DIP2C: variants seen among roughly 807,000 people sequenced by gnomAD.
DIP2C encodes the protein disco-interacting protein 2 homolog C.
A neutral mutation model predicts 192.4 loss-of-function variants in DIP2C; 33 were observed. The observed-to-expected ratio is 0.17, with a 90% CI of 0.13 to 0.23. The LOEUF (loss-of-function observed/expected upper bound fraction) is 0.23, where lower values mean the gene tolerates loss of function less well. Among genes scored for constraint, DIP2C ranks in the 10% least tolerant of loss-of-function variants. The pLI, the probability that DIP2C is intolerant of heterozygous loss-of-function variation, is 1.00. For synonymous variants in DIP2C, 979 were observed against 864.1 expected (o/e 1.13, Z -2.33); for missense variants, 1,537 against 2,110.1 (o/e 0.73, Z 5.32).
chr10:391,309 G>A (rs75150626), intron 10 of DIP2C, among the ~76,000 whole-genome samples: 1 of 62,554 alleles, frequency 1.6e-5, no homozygotes, highest in Non-Finnish European at 3.5e-5. Context: ...CCAAAGGCAC[G>A]AAAGGCACAC....
chr10:538,080 G>A (rs1164727081), intron 1 of DIP2C, among the ~76,000 whole-genome samples: 4 of 151,882 alleles, frequency 2.6e-5, no homozygotes, highest in African/African-American at 7.3e-5. Flanking sequence ...ACGAGCCACC[G>A]TGCCTGGCTG....
At chr10:675,813 A>G (rs1830856271) in intron 1 of DIP2C, among the ~76,000 whole-genome samples, 1 of 152,242 alleles carries the variant, frequency 6.6e-6, no homozygotes, top group African/African-American at 2.4e-5. Context: ...CCTCAGGACT[A>G]GGTGGCTTCA....
In DIP2C at chr10:276,558, CTT is replaced by C. The variant is rs1954529331; in HGVS notation, c.*765_*766del. 6.6e-6 allele frequency: 1 copy of C among 152,518 alleles called. No individual in the cohort carries two copies. Among genetic ancestry groups the C allele is most frequent in the Admixed American group, 6.5e-5 (1 of 15,282 alleles). 9.4% of individuals were successfully genotyped at this position (152,518 alleles called of 1,614,324 possible). ...CTTTAATATTCTTGAATGTTTTTCT[CTT>C]TTATAGTTCTAAAGAGATCAAAATA... is the stretch of plus-strand genomic sequence containing the variant. On this transcript the variant is annotated 3_prime_UTR_variant, in exon 37 of 37. Transcript: ENST00000280886.
chr10:341,171 A>T (rs753967916), intron 29 of DIP2C, 28 bp downstream of exon 29: 15 of 1,613,036 alleles, frequency 9.3e-6, no homozygotes, highest in Non-Finnish European at 1.3e-5. Context: ...GATTTTTTTT[A>T]ATGTAAAGAT....
chr10:632,946 C>T (rs950908028), intron 1 of DIP2C, among the ~76,000 whole-genome samples: 1 of 152,006 alleles, frequency 6.6e-6, no homozygotes, highest in Non-Finnish European at 1.5e-5. Flanking sequence ...CCAGACTCCA[C>T]GGCCAGCACC....
intron 26 of DIP2C, among the ~76,000 whole-genome samples, chr10:348,308 A>C (rs1206022479): frequency 6.6e-6 from 1 of 152,236 alleles, no homozygotes; most frequent in Non-Finnish European, 1.5e-5. Context: ...CTTTGGAAAA[A>C]GCCCTGCCTC....
chr10:386,958 A>G (rs1962990659), intron 14 of DIP2C, among the ~76,000 whole-genome samples: 1 of 152,200 alleles, frequency 6.6e-6, no homozygotes, highest in Non-Finnish European at 1.5e-5. Flanking sequence ...CCGGCACGTC[A>G]TCCAGGGCAC....
chr10:618,305 G>C (rs1383693033), intron 1 of DIP2C, among the ~76,000 whole-genome samples: 1 of 152,194 alleles, frequency 6.6e-6, no homozygotes, highest in African/African-American at 2.4e-5. Context: ...AGGAAAACTG[G>C]GTTCTGGCTG....
In DIP2C at chr10:418,119, TCGGATAGGCCTCCCTGTCCACCTGCA is replaced by T; in HGVS notation, c.739+920_739+945del. Among the ~76,000 whole-genome samples, 4 of 17,952 alleles carry T rather than the reference TCGGATAGGCCTCCCTGTCCACCTGCA, an allele frequency of 2.2e-4. 2 individuals carry two copies. The highest frequency in any genetic ancestry group is 1.3e-3 in the African/African-American group (4 of 3,184). The allele number at this position is 17,952 out of a possible 152,430, so 11.8% of individuals were successfully genotyped here. A position where few individuals can be genotyped will look rare whatever the true frequency, so the allele number is the denominator to read the frequency against. ...GGCATCCCCGTCCACCTGTCGGAGC[TCGGATAGGCCTCCCTGTCCACCTGCA>T]CCTGTCAGAGCTCGGACAGGCCTCC... On this transcript the variant is annotated intron_variant, in intron 6 of 36. Coordinates refer to ENST00000280886, the MANE Select transcript of DIP2C (RefSeq NM_014974.3).
chr10:641,204 A>G (rs984794711), intron 1 of DIP2C, among the ~76,000 whole-genome samples: 5 of 151,824 alleles, frequency 3.3e-5, no homozygotes, highest in African/African-American at 7.3e-5. Flanking sequence ...CTTTGAGGTC[A>G]TAGTGGGGAC....
At chr10:650,732 C>G (rs552108075) in intron 1 of DIP2C, 12 of 637,416 alleles carry the variant, frequency 1.9e-5, no homozygotes, top group Admixed American at 5.1e-5. Context: ...GGCCGACCCC[C>G]CCTCATGCTC....
intron 4 of DIP2C, among the ~76,000 whole-genome samples, chr10:432,944 C>T (rs1271323456): frequency 2.0e-5 from 3 of 152,122 alleles, no homozygotes; most frequent in Non-Finnish European, 4.4e-5. Flanking sequence ...TTCCAGTCAT[C>T]TATTATTTAT....
intron 29 of DIP2C, among the ~76,000 whole-genome samples, chr10:329,857 A>AAC (rs1426050409): frequency 6.6e-6 from 1 of 152,180 alleles, no homozygotes; most frequent in Non-Finnish European, 1.5e-5. Flanking sequence ...AAGACTACTA[A>AAC]ACGCTGTGAT....
At position 390,130 on chromosome 10, in the gene DIP2C, C is replaced by T. The variant is rs537496062; in HGVS notation, c.1495-37G>A. On this transcript the variant is annotated intron_variant, in intron 12 of 36. Coordinates refer to ENST00000280886, the MANE Select transcript of DIP2C (RefSeq NM_014974.3). Reference sequence around the variant, plus strand: ...CAAAGCGTGAGGGAAGTGGGGCTGACAGGTCACGGCAGTTTTTCTGGTTAC... The same window carrying T: ...CAAAGCGTGAGGGAAGTGGGGCTGATAGGTCACGGCAGTTTTTCTGGTTAC... The T allele has an allele frequency of 2.3e-4, 375 of 1,599,168 alleles. 9 individuals are homozygous for T. In the South Asian group the frequency reaches 3.9e-3, roughly 17 times the overall value.
At chr10:559,300 C>T (rs1289755736) in intron 1 of DIP2C, among the ~76,000 whole-genome samples, 1 of 149,846 alleles carries the variant, frequency 6.7e-6, no homozygotes, top group South Asian at 2.1e-4. Flanking sequence ...CGGCCTGGAA[C>T]AGCTGGTGTC....
At position 277,355 on chromosome 10, in the gene DIP2C, T is replaced by C. The variant is rs779285501; in HGVS notation, c.4641A>G (p.Leu1547=). 1.2e-6 allele frequency: 2 copies of C among 1,614,206 alleles called. No individual in the cohort carries two copies. Among genetic ancestry groups the C allele is most frequent in the Non-Finnish European group, 1.7e-6 (2 of 1,180,038 alleles). Residue 1547 remains leucine, a synonymous_variant, in exon 37 of 37, where the codon CTA becomes CTG. Coordinates refer to ENST00000280886, the MANE Select transcript of DIP2C (RefSeq NM_014974.3). Reference sequence around the variant, plus strand: ...TGTTGTAGGCCACATAGATGGGGTCTAGCTGGTCTGCCAAAAACCCGTCTC... The same window carrying C: ...TGTTGTAGGCCACATAGATGGGGTCCAGCTGGTCTGCCAAAAACCCGTCTC... ...HLRDGFLADQ[L]DPIYVAYNM
chr10:599,228 G>T (rs1275028678), intron 1 of DIP2C, among the ~76,000 whole-genome samples: 1 of 152,106 alleles, frequency 6.6e-6, no homozygotes, highest in Non-Finnish European at 1.5e-5. Flanking sequence ...TCAACAGAAT[G>T]GTTAGAATGA....
intron 1 of DIP2C, among the ~76,000 whole-genome samples, chr10:537,218 C>T (rs1165124966): frequency 6.6e-6 from 1 of 152,040 alleles, no homozygotes; most frequent in Admixed American, 6.6e-5. Context: ...CCTCACCACA[C>T]AGAGGCAAGG....
intron 29 of DIP2C, among the ~76,000 whole-genome samples, chr10:335,145 CAT>C (rs1180345178): frequency 8.5e-5 from 13 of 152,202 alleles, no homozygotes; most frequent in Non-Finnish European, 1.9e-4. Flanking sequence ...CCATTATACT[CAT>C]ATGTCTCAGA....
Sources: gnomAD v4.1 joint callset for allele counts (sites outside exome capture counted in the v4.1 genomes callset) on GRCh38, gnomAD v4.1.1 for gene constraint, MANE v1.5 for transcripts, NCBI Gene and HGNC (gene_info 2026-07-23, HGNC 2026-07-21) for gene names.